ATP2B1: variants seen among roughly 807,000 people sequenced by gnomAD.
ATP2B1 encodes plasma membrane calcium-transporting ATPase 1.
A neutral mutation model predicts 124.2 loss-of-function variants in ATP2B1; 14 were observed. The observed-to-expected ratio is 0.11, with a 90% CI of 0.07 to 0.18. The LOEUF (loss-of-function observed/expected upper bound fraction) is 0.18. Among genes scored for constraint, ATP2B1 ranks in the 10% least tolerant of loss-of-function variants. The probability of loss-of-function intolerance (pLI) is 1.00; values close to 1 mark genes in which losing one functional copy is unlikely to be tolerated. For missense variants in ATP2B1, 763 were observed against 1,466.1 expected (o/e 0.52, Z 7.83); for synonymous variants, 449 against 492.4 (o/e 0.91, Z 1.17).
chr12:89,688,593 T>C lies in ATP2B1; in HGVS notation c.-222+20003A>G, dbSNP rs117635553. Among the ~76,000 whole-genome samples the C allele has an allele frequency of 5.5e-3, 843 of 152,200 alleles. 4 individuals carry two copies. The highest frequency in any genetic ancestry group is 8.8e-3 in the Non-Finnish European group (601 of 67,958). On this transcript the variant is annotated intron_variant, in intron 1 of 20. Coordinates refer to ENST00000428670, the MANE Select transcript of ATP2B1 (RefSeq NM_001366521.1). Reference sequence around the variant, plus strand: ...AAATCTAGCCTAGTATCTGAAACTATAGGTGGCACTACATACAGCTGGCAC... The same window carrying C: ...AAATCTAGCCTAGTATCTGAAACTACAGGTGGCACTACATACAGCTGGCAC...
At chr12:89,676,859 A>G (rs1888672160) in intron 1 of ATP2B1, among the ~76,000 whole-genome samples, 1 of 152,178 alleles carries the variant, frequency 6.6e-6, no homozygotes, top group Non-Finnish European at 1.5e-5. Context: ...CCAAATTTAT[A>G]AAGCAGACTT....
At chr12:89,602,515 A>G (rs1286996779) in intron 18 of ATP2B1, among the ~76,000 whole-genome samples, 6 of 152,190 alleles carry the variant, frequency 3.9e-5, no homozygotes, top group Non-Finnish European at 7.3e-5. Context: ...GTGCACTTGT[A>G]CAGATAGATT....
chr12:89,637,402 A>C (rs999132266), intron 3 of ATP2B1, among the ~76,000 whole-genome samples: 9 of 142,996 alleles, frequency 6.3e-5, no homozygotes, highest in African/African-American at 2.4e-4. Context: ...GAAGAAAGCA[A>C]ACATTAAATT....
At chr12:89,659,658 C>T (rs1886433245) in intron 1 of ATP2B1, among the ~76,000 whole-genome samples, 2 of 152,184 alleles carry the variant, frequency 1.3e-5, no homozygotes, top group South Asian at 4.1e-4. Context: ...CGCAGTGGCT[C>T]ATGCCTGTAA....
intron 9 of ATP2B1, 33 bp downstream of exon 9, chr12:89,624,150 A>G (rs770863665): frequency 1.9e-6 from 3 of 1,592,302 alleles, no homozygotes; most frequent in African/African-American, 1.3e-5. Context: ...GGCTTTAAAC[A>G]TAACAACGTC....
At chr12:89,600,868 C>T (rs1875686051) in intron 19 of ATP2B1, among the ~76,000 whole-genome samples, 1 of 152,072 alleles carries the variant, frequency 6.6e-6, no homozygotes, top group Non-Finnish European at 1.5e-5. Flanking sequence ...AGGCTGGTCT[C>T]TAACTCCTTA....
chr12:89,670,153 T>C (rs1592927485), intron 1 of ATP2B1, among the ~76,000 whole-genome samples: 1 of 152,180 alleles, frequency 6.6e-6, no homozygotes, highest in Non-Finnish European at 1.5e-5. Flanking sequence ...CAGAAATGTA[T>C]CTACCCAAAG....
At chr12:89,631,916 T>TC (rs1382798150) in intron 5 of ATP2B1, among the ~76,000 whole-genome samples, 1 of 151,596 alleles carries the variant, frequency 6.6e-6, no homozygotes. Flanking sequence ...CAGGTGCGAG[T>TC]CACCGTGCTC....
At chr12:89,700,069 G>T (rs909296472) in intron 1 of ATP2B1, among the ~76,000 whole-genome samples, 4 of 148,826 alleles carry the variant, frequency 2.7e-5, no homozygotes, top group Non-Finnish European at 5.9e-5. Flanking sequence ...GCCCAGGCTG[G>T]TCTCAGACTC....
At chr12:89,673,159 T>C (rs1888198661) in intron 1 of ATP2B1, among the ~76,000 whole-genome samples, 1 of 152,220 alleles carries the variant, frequency 6.6e-6, no homozygotes, top group Non-Finnish European at 1.5e-5. Flanking sequence ...ATAGTTGTGC[T>C]GTGAAAAAAG....
chr12:89,615,227 T>C (rs1878749710), intron 12 of ATP2B1, among the ~76,000 whole-genome samples: 3 of 152,210 alleles, frequency 2.0e-5, no homozygotes, highest in Admixed American at 1.3e-4. Flanking sequence ...GCAACTCAAA[T>C]GCCACATCCT....
Position 89,630,687 on chromosome 12 carries a change from A to G in ATP2B1, c.788-42T>C, listed in dbSNP as rs372512774. 1.0e-5 allele frequency: 14 copies of G among 1,387,184 alleles called. No individual in the cohort carries two copies. The East Asian group carries it at 1.4e-4, about 13-fold the overall frequency. The allele number at this position is 1,387,184 out of a possible 1,614,324, so 85.9% of individuals were successfully genotyped here. On this transcript the variant is annotated intron_variant, in intron 5 of 20. Coordinates refer to ENST00000428670, the MANE Select transcript of ATP2B1 (RefSeq NM_001366521.1). ...AGTTTGTTTTTAAAAATACTGATAG[A>G]TCTCCTTGCTACCACCAAATTTCAA...
At chr12:89,663,735 T>C (rs7132386) in intron 1 of ATP2B1, among the ~76,000 whole-genome samples, 1 of 152,234 alleles carries the variant, frequency 6.6e-6, no homozygotes, top group Non-Finnish European at 1.5e-5. Flanking sequence ...TTAAATCTAA[T>C]GGACACATTT....
rs535173553 is a variant in ATP2B1, at chr12:89,597,539, G to A, written c.3351+1578C>T. Reference sequence around the variant, plus strand: ...ACTTAAGTAAATACGGAAAAAACAGGCATTAAGTGGAAAGTCTGCACTGTT... The same window carrying A: ...ACTTAAGTAAATACGGAAAAAACAGACATTAAGTGGAAAGTCTGCACTGTT... On this transcript the variant is annotated intron_variant, in intron 20 of 20. Coordinates refer to ENST00000428670, the MANE Select transcript of ATP2B1 (RefSeq NM_001366521.1). Among the ~76,000 whole-genome samples, 7 of 152,126 alleles carry A rather than the reference G, an allele frequency of 4.6e-5. No homozygotes were observed. The East Asian group carries it at 7.7e-4, about 17-fold the overall frequency.
In ATP2B1 at chr12:89,626,679, A is replaced by G. The variant is rs1592780912; in HGVS notation, c.968-64T>C. On this transcript the variant is annotated intron_variant, in intron 7 of 20. Coordinates refer to ENST00000428670, the MANE Select transcript of ATP2B1 (RefSeq NM_001366521.1). ...AGGCACATATCACTATTAACATTTT[A>G]AAGAAATTTTAAAAATCAGTTTCTT... 1.9e-5 allele frequency: 29 copies of G among 1,490,366 alleles called. No individual in the cohort carries two copies. In the South Asian group the frequency reaches 2.6e-4, roughly 13 times the overall value. The allele number at this position is 1,490,366 out of a possible 1,614,324, so 92.3% of individuals were successfully genotyped here.
At chr12:89,688,415 G>A (rs1171931646) in intron 1 of ATP2B1, among the ~76,000 whole-genome samples, 3 of 152,114 alleles carry the variant, frequency 2.0e-5, no homozygotes, top group Admixed American at 1.3e-4. Context: ...GAGCTCCAGG[G>A]ATCAGGAGTC....
intron 13 of ATP2B1, 190 bp from the exon 14 acceptor site, chr12:89,610,698 G>T: frequency 1.9e-6 from 1 of 531,202 alleles, no homozygotes; most frequent in Non-Finnish European, 3.3e-6. Context: ...TGTGGGGCAG[G>T]CCCAGCAATC....
intron 1 of ATP2B1, among the ~76,000 whole-genome samples, chr12:89,676,470 T>C (rs1168276142): frequency 1.3e-5 from 2 of 152,132 alleles, no homozygotes; most frequent in East Asian, 3.9e-4. Context: ...ATATGTATAT[T>C]AGGTAGAGAC....
intron 1 of ATP2B1, among the ~76,000 whole-genome samples, chr12:89,658,217 A>C (rs1244362370): frequency 6.6e-6 from 1 of 152,194 alleles, no homozygotes; most frequent in Non-Finnish European, 1.5e-5. Context: ...TCTGGTTTCC[A>C]CAAAGAGGAA....
Sources: allele counts gnomAD v4.1 joint callset (sites outside exome capture counted in the v4.1 genomes callset), GRCh38; gene constraint gnomAD v4.1.1; transcripts MANE v1.5; gene names NCBI Gene and HGNC (gene_info 2026-07-23, HGNC 2026-07-21).